Variants in KIF26B observed in about 807,000 individuals in gnomAD.
KIF26B encodes kinesin-like protein KIF26B.
In KIF26B, 63 loss-of-function variants were observed where a neutral mutation model predicts 151.2. That is an observed-to-expected ratio of 0.42 (90% CI 0.34 to 0.51). KIF26B has a LOEUF of 0.51. Among genes scored for constraint, KIF26B ranks in the 20% least tolerant of loss-of-function variants. The pLI is 0.07. For missense variants in KIF26B, 2,813 were observed against 2,913.6 expected (o/e 0.97, Z 0.79); for synonymous variants, 1,357 against 1,262.1 (o/e 1.08, Z -1.59).
At chr1:245,473,266 C>T (rs1659952917) in intron 4 of KIF26B, among the ~76,000 whole-genome samples, 1 of 152,180 alleles carries the variant, frequency 6.6e-6, no homozygotes, top group South Asian at 2.1e-4. Context: ...GGCTAGTATG[C>T]AGTGGTTTCG....
intron 6 of KIF26B, among the ~76,000 whole-genome samples, chr1:245,603,738 A>G (rs2043421711): frequency 6.6e-6 from 1 of 152,156 alleles, no homozygotes; most frequent in Non-Finnish European, 1.5e-5. Context: ...AATTGACCCA[A>G]TATCACTTCT....
At chr1:245,261,498 TCTCTCCCTCC>T (rs1175891910) in intron 2 of KIF26B, among the ~76,000 whole-genome samples, 421 of 74,576 alleles carry the variant, frequency 5.6e-3, no homozygotes, top group East Asian at 0.022. Flanking sequence ...TCTCTCTCTC[TCTCTCCCTCC>T]CTCCCTCCCT....
intron 6 of KIF26B, among the ~76,000 whole-genome samples, chr1:245,607,089 A>C (rs2103150252): frequency 7.0e-6 from 1 of 143,344 alleles, no homozygotes; most frequent in African/African-American, 2.7e-5. Flanking sequence ...AAAAAAAAAA[A>C]TGAGGAAGGT....
At chr1:245,480,687 G>A (rs1660146645) in intron 4 of KIF26B, among the ~76,000 whole-genome samples, 1 of 150,716 alleles carries the variant, frequency 6.6e-6, no homozygotes, top group Non-Finnish European at 1.5e-5. Flanking sequence ...TACCTGAATT[G>A]TTCTCACTCT....
Position 245,366,979 on chromosome 1 carries a change from C to T in KIF26B, c.611C>T (p.Thr204Met), listed in dbSNP as rs745778571. 1.2e-5 allele frequency: 19 copies of T among 1,613,990 alleles called. No homozygotes were observed. Among genetic ancestry groups the T allele is most frequent in the Admixed American group, 1.7e-5 (1 of 60,020 alleles). Residue 204 changes from threonine to methionine, a missense_variant, in exon 3 of 15, where the codon ACG (threonine) becomes ATG (methionine). Transcript: ENST00000407071. The part of the protein sequence containing the change: ...LKQEAIQMVL[T>M]LEQAAGSEHY... ...CAGGAGGCCATCCAGATGGTGCTGA[C>T]GTTGGAGCAGGCAGCCGGCAGTGAG...
intron 3 of KIF26B, among the ~76,000 whole-genome samples, chr1:245,394,041 C>T (rs1378376283): frequency 6.6e-6 from 1 of 152,178 alleles, no homozygotes; most frequent in Non-Finnish European, 1.5e-5. Context: ...GGGCCACCAA[C>T]TCTTGAGCCT....
intron 3 of KIF26B, among the ~76,000 whole-genome samples, chr1:245,372,400 G>A (rs906842351): frequency 2.0e-5 from 3 of 152,084 alleles, no homozygotes; most frequent in Non-Finnish European, 4.4e-5. Flanking sequence ...GGGGGTACAC[G>A]TGCAGGTTTG....
intron 9 of KIF26B, among the ~76,000 whole-genome samples, chr1:245,621,036 A>C (rs930555256): frequency 6.6e-6 from 1 of 152,040 alleles, no homozygotes; most frequent in Non-Finnish European, 1.5e-5. Context: ...TGGCTCCCAA[A>C]CTTAGCTACA....
intron 2 of KIF26B, among the ~76,000 whole-genome samples, chr1:245,209,187 G>A (rs1177221366): frequency 6.6e-6 from 1 of 152,138 alleles, no homozygotes; most frequent in Non-Finnish European, 1.5e-5. Context: ...ATCATCTGAG[G>A]TCAGGAGTTT....
intron 2 of KIF26B, among the ~76,000 whole-genome samples, chr1:245,287,906 T>C (rs1319948046): frequency 1.3e-5 from 2 of 152,064 alleles, no homozygotes; most frequent in Non-Finnish European, 2.9e-5. Flanking sequence ...CCATCTTTCA[T>C]ACTTATTTTT....
At chr1:245,589,622 G>A (rs2043265056) in intron 5 of KIF26B, among the ~76,000 whole-genome samples, 1 of 152,210 alleles carries the variant, frequency 6.6e-6, no homozygotes, top group South Asian at 2.1e-4. Context: ...AAGACATCCA[G>A]TATACCTAAT....
intron 5 of KIF26B, among the ~76,000 whole-genome samples, chr1:245,562,080 C>T (rs1441504795): frequency 6.6e-6 from 1 of 152,136 alleles, no homozygotes; most frequent in African/African-American, 2.4e-5. Context: ...AGACTCAGCA[C>T]TGATACTCGT....
rs752192224 is a variant in KIF26B at position 245,367,236 on chromosome 1, G to A, written c.868G>A (p.Val290Ile). ...CGGGTCCCCAACCCACCAGGCCAAG[G>A]TCAGCCTCCAGATGGCCACCAGTCC... The part of the protein sequence containing the change: ...KSGSPTHQAK[V>I]SLQMATSPSN... The change falls in exon 3 of 15, where the codon GTC becomes ATC. Residue 290 changes from valine (V) to isoleucine (I), a missense_variant. Transcript: ENST00000407071. The surrounding 1 kb of genome is among the most constrained non-coding windows in gnomAD (Gnocchi z 4.2). The A allele has an allele frequency of 6.2e-7, 1 of 1,609,080 alleles. No homozygotes were observed. Among genetic ancestry groups the A allele is most frequent in the Non-Finnish European group, 8.5e-7 (1 of 1,177,758 alleles).
At chr1:245,200,199 C>G (rs1025640933) in intron 2 of KIF26B, among the ~76,000 whole-genome samples, 1 of 152,172 alleles carries the variant, frequency 6.6e-6, no homozygotes, top group African/African-American at 2.4e-5. Flanking sequence ...TCTCCTAAAT[C>G]TCGTTTTCAC....
intron 2 of KIF26B, among the ~76,000 whole-genome samples, chr1:245,261,143 T>C (rs1039427302): frequency 1.3e-5 from 2 of 151,296 alleles, no homozygotes; most frequent in African/African-American, 2.4e-5. Context: ...CTTTCTCTCT[T>C]TCTTTCTTTC....
intron 5 of KIF26B, among the ~76,000 whole-genome samples, chr1:245,573,557 G>A (rs937733481): frequency 9.2e-5 from 14 of 151,958 alleles, no homozygotes; most frequent in Non-Finnish European, 2.9e-5. Flanking sequence ...AATAATGAGT[G>A]AAGATTAGCT....
At chr1:245,362,333 C>T (rs1672840600) in intron 2 of KIF26B, among the ~76,000 whole-genome samples, 1 of 147,548 alleles carries the variant, frequency 6.8e-6, no homozygotes, top group Non-Finnish European at 1.5e-5. Context: ...TCAAGACCAT[C>T]CTGGCCAAGA....
At chr1:245,650,556 ATGT>A (rs1292102788) in intron 10 of KIF26B, among the ~76,000 whole-genome samples, 5 of 152,230 alleles carry the variant, frequency 3.3e-5, no homozygotes. Flanking sequence ...GTTCTCTTAG[ATGT>A]TGCTTTGTAG....
At chr1:245,697,286 T>G (rs550725871) in intron 12 of KIF26B, among the ~76,000 whole-genome samples, 3 of 152,276 alleles carry the variant, frequency 2.0e-5, no homozygotes, top group Admixed American at 2.0e-4. Context: ...TTAGTCTCCA[T>G]TCTGGGAGCC....
Sources: allele counts gnomAD v4.1 joint callset (sites outside exome capture counted in the v4.1 genomes callset), GRCh38; gene constraint gnomAD v4.1.1; non-coding constraint Gnocchi (gnomAD v3.1); transcripts MANE v1.5; gene names NCBI Gene and HGNC (gene_info 2026-07-23, HGNC 2026-07-21).